Variants in SIMC1 observed in about 807,000 individuals in gnomAD.
The protein encoded by SIMC1 is SUMO-interacting motif-containing protein 1.
SIMC1 carries 55 observed loss-of-function variants against 82.3 expected under a neutral mutation model. That is an observed-to-expected ratio of 0.67 (90% CI 0.54 to 0.84). The LOEUF (loss-of-function observed/expected upper bound fraction) is 0.84, where lower values mean the gene tolerates loss of function less well. Ranked by LOEUF, SIMC1 falls within the 40% of genes least tolerant of loss-of-function variation. The pLI is 0.00. For synonymous variants in SIMC1, 353 were observed against 426.3 expected (o/e 0.83, Z 2.12); for missense variants, 915 against 1,107.2 (o/e 0.83, Z 2.46).
rs559185749 is a variant in SIMC1, at chr5:176,325,151, C to G, written c.2171+394C>G. 3.3e-5 allele frequency among the ~76,000 whole-genome samples: 5 copies of G among 151,516 alleles called. No homozygotes were observed. The South Asian group carries it at 1.0e-3, about 32-fold the overall frequency. On this transcript the variant is annotated intron_variant, in intron 7 of 9. Transcript: ENST00000429602. ...TCCCAGCACTTTGGGAGGACTAGGA[C>G]TAGGCGAGCAGATCACCTGAGGTCA... is the stretch of plus-strand genomic sequence containing the variant.
intron 1 of SIMC1, among the ~76,000 whole-genome samples, chr5:176,259,690 T>C (rs976166981): frequency 6.6e-5 from 10 of 151,472 alleles, no homozygotes; most frequent in African/African-American, 2.4e-4. Flanking sequence ...TGACAATTAC[T>C]TGAATCTGGG....
intron 4 of SIMC1, among the ~76,000 whole-genome samples, chr5:176,304,608 C>A (rs1328088096): frequency 1.4e-5 from 2 of 147,376 alleles, no homozygotes; most frequent in Non-Finnish European, 3.0e-5. Context: ...CCGGCCGCCA[C>A]CCCGTCTGGG....
At chr5:176,253,767 T>A (rs1192397330) in intron 1 of SIMC1, among the ~76,000 whole-genome samples, 1 of 152,164 alleles carries the variant, frequency 6.6e-6, no homozygotes, top group Non-Finnish European at 1.5e-5. Context: ...ATTATTCTGT[T>A]AGGCATTGTA....
chr5:176,258,861 G>A (rs1173207384), intron 1 of SIMC1, among the ~76,000 whole-genome samples: 2 of 152,144 alleles, frequency 1.3e-5, no homozygotes, highest in Non-Finnish European at 2.9e-5. Context: ...GGAGGTTGGT[G>A]GGTCTGGCTA....
In SIMC1 at chr5:176,257,141, G is replaced by C. The variant is rs1446442297; in HGVS notation, c.129+18504G>C. Among the ~76,000 whole-genome samples, 7 of 152,014 alleles carry C rather than the reference G, an allele frequency of 4.6e-5. No individual in the cohort carries two copies. The East Asian group carries it at 7.7e-4, about 17-fold the overall frequency. On this transcript the variant is annotated intron_variant, in intron 1 of 9. Transcript: ENST00000429602. ...GTTTCATTGATTTCTTTATTCAATA[G>C]CATAACTTTCCTGTTTTATTTTTAT...
intron 4 of SIMC1, 53 bp from the exon 5 acceptor site, chr5:176,313,638 T>A (rs1202279567): frequency 6.2e-7 from 1 of 1,603,792 alleles, no homozygotes; most frequent in Non-Finnish European, 8.5e-7. Context: ...CAATGTTGAC[T>A]GTCATCCAAG....
At chr5:176,317,919 T>A (rs181967715) in intron 5 of SIMC1, among the ~76,000 whole-genome samples, 2 of 152,238 alleles carry the variant, frequency 1.3e-5, no homozygotes, top group East Asian at 3.9e-4. Flanking sequence ...AGCAGAGATT[T>A]GTTGAAAATG....
intron 4 of SIMC1, chr5:176,313,143 GCCA>G: frequency 2.5e-6 from 1 of 402,684 alleles, no homozygotes; most frequent in Non-Finnish European, 3.7e-6. Context: ...GTTGAGCCAA[GCCA>G]ACAGACTTGG....
intron 7 of SIMC1, among the ~76,000 whole-genome samples, chr5:176,325,341 G>C (rs1296426577): frequency 6.6e-6 from 1 of 151,918 alleles, no homozygotes. Flanking sequence ...AGCTGAGATT[G>C]CTCCACTGCA....
rs1766388694 is a variant in SIMC1, at chr5:176,345,182, G to A, written c.2414-1G>A. ...CCAACTGACTTTTTTCCCTCTTGCA[G>A]AACACTTAAGGAGTTCCGTGATCGA... On this transcript the variant is annotated splice_acceptor_variant, in intron 9 of 9. Transcript: ENST00000429602. LOFTEE classifies it high-confidence loss of function. 1.5e-5 allele frequency: 24 copies of A among 1,610,290 alleles called. No individual in the cohort carries two copies. The highest frequency in any genetic ancestry group is 2.0e-5 in the Non-Finnish European group (23 of 1,177,716).
intron 5 of SIMC1, among the ~76,000 whole-genome samples, chr5:176,318,932 AC>A (rs1765035747): frequency 6.6e-6 from 1 of 151,900 alleles, no homozygotes. Context: ...ACATGGCAAA[AC>A]CCCATCTCTA....
intron 7 of SIMC1, among the ~76,000 whole-genome samples, chr5:176,331,068 A>G (rs1765635213): frequency 6.6e-6 from 1 of 152,202 alleles, no homozygotes; most frequent in African/African-American, 2.4e-5. Context: ...CTAATGTCAA[A>G]TGAGAGATGT....
At chr5:176,305,028 G>A (rs1459608722) in intron 4 of SIMC1, among the ~76,000 whole-genome samples, 25 of 142,748 alleles carry the variant, frequency 1.8e-4, no homozygotes, top group East Asian at 1.1e-3. Flanking sequence ...CTCTCCGCCC[G>A]GCAGCCACCC....
intron 4 of SIMC1, among the ~76,000 whole-genome samples, chr5:176,304,798 T>C (rs1344787181): frequency 2.7e-5 from 4 of 148,362 alleles, no homozygotes; most frequent in Admixed American, 1.3e-4. Flanking sequence ...TCTGCCCGGC[T>C]GCCCATTGTC....
At chr5:176,266,528 G>A (rs1384509494) in intron 1 of SIMC1, among the ~76,000 whole-genome samples, 4 of 147,672 alleles carry the variant, frequency 2.7e-5, no homozygotes, top group South Asian at 2.2e-4. Context: ...TTTGCAGTTC[G>A]AATCTAGGCA....
chr5:176,331,321 G>A (rs571692291), intron 7 of SIMC1, among the ~76,000 whole-genome samples: 2 of 150,356 alleles, frequency 1.3e-5, no homozygotes, highest in South Asian at 2.1e-4. Flanking sequence ...AGTGAGCCGC[G>A]ATCGCGCCAC....
intron 1 of SIMC1, among the ~76,000 whole-genome samples, chr5:176,240,402 A>C (rs1485159214): frequency 9.5e-6 from 1 of 105,398 alleles, no homozygotes; most frequent in Non-Finnish European, 2.1e-5. Context: ...TGCTTATCTC[A>C]GTCTTTTGTG....
At chr5:176,306,469 A>G (rs1431748338) in intron 4 of SIMC1, among the ~76,000 whole-genome samples, 1 of 140,734 alleles carries the variant, frequency 7.1e-6, no homozygotes, top group Admixed American at 7.2e-5. Context: ...GTGGAATAGA[A>G]AGGCGGGAAA....
intron 1 of SIMC1, among the ~76,000 whole-genome samples, chr5:176,273,385 G>C (rs952136128): frequency 6.6e-6 from 1 of 152,120 alleles, no homozygotes; most frequent in South Asian, 2.1e-4. Flanking sequence ...CTGTTAGAAG[G>C]AAAACTAACA....
Sources: allele counts gnomAD v4.1 joint callset (sites outside exome capture counted in the v4.1 genomes callset), GRCh38; gene constraint gnomAD v4.1.1; transcripts MANE v1.5; gene names NCBI Gene and HGNC (gene_info 2026-07-23, HGNC 2026-07-21).